Variants in PPP2R3A observed in about 807,000 individuals in gnomAD.
PPP2R3A encodes protein phosphatase 2 regulatory subunit B''alpha.
In PPP2R3A, 80 loss-of-function variants were observed where a neutral mutation model predicts 106.9. The ratio of observed to expected loss-of-function variants is 0.75; its 90% confidence interval spans 0.62 to 0.90. The LOEUF is 0.90. Ranked by LOEUF, PPP2R3A falls within the 40% of genes least tolerant of loss-of-function variation. PPP2R3A has a pLI of 0.00. For missense variants in PPP2R3A, 1,386 were observed against 1,350.4 expected (o/e 1.03, Z -0.41); for synonymous variants, 483 against 468.3 (o/e 1.03, Z -0.41).
chr3:135,989,537 C>G (rs1933068064), intron 1 of PPP2R3A, among the ~76,000 whole-genome samples: 1 of 144,136 alleles, frequency 6.9e-6, no homozygotes, highest in Non-Finnish European at 1.5e-5. Flanking sequence ...ATTCTTCATC[C>G]ACAAAGAATT....
chr3:136,101,439 C>G (rs1385346485), intron 10 of PPP2R3A, among the ~76,000 whole-genome samples: 1 of 152,010 alleles, frequency 6.6e-6, no homozygotes, highest in African/African-American at 2.4e-5. Flanking sequence ...TGGTTTTTAT[C>G]TTGAGGCGGG....
intron 1 of PPP2R3A, among the ~76,000 whole-genome samples, chr3:135,989,071 T>C (rs1933051603): frequency 6.6e-6 from 1 of 152,200 alleles, no homozygotes; most frequent in Non-Finnish European, 1.5e-5. Flanking sequence ...AGAACACTTT[T>C]TAGCTGTGGA....
At chr3:136,087,303 A>AC (rs1936976622) in intron 8 of PPP2R3A, among the ~76,000 whole-genome samples, 1 of 58,776 alleles carries the variant, frequency 1.7e-5, no homozygotes, top group Non-Finnish European at 3.6e-5. Context: ...CTCTCTCACC[A>AC]ACATGCTAAC....
At chr3:136,117,527 T>C (rs1182518744) in intron 13 of PPP2R3A, among the ~76,000 whole-genome samples, 1 of 151,780 alleles carries the variant, frequency 6.6e-6, no homozygotes, top group African/African-American at 2.4e-5. Flanking sequence ...ATAGATGCAA[T>C]AAAAAATGAT....
intron 13 of PPP2R3A, among the ~76,000 whole-genome samples, chr3:136,130,042 G>T (rs560404417): frequency 6.6e-6 from 1 of 152,152 alleles, no homozygotes; most frequent in South Asian, 2.1e-4. Context: ...CTTTATGACA[G>T]ACCCACAACC....
chr3:136,083,370 G>A (rs1936839010), intron 8 of PPP2R3A, among the ~76,000 whole-genome samples: 2 of 152,206 alleles, frequency 1.3e-5, no homozygotes, highest in Middle Eastern at 6.8e-3. Context: ...GAGAGCTGAT[G>A]GTTTTATAAA....
At chr3:136,024,920 C>T (rs938985307) in intron 2 of PPP2R3A, among the ~76,000 whole-genome samples, 1 of 152,146 alleles carries the variant, frequency 6.6e-6, no homozygotes, top group African/African-American at 2.4e-5. Context: ...GTAATATTTA[C>T]AGATTTAGCA....
intron 13 of PPP2R3A, among the ~76,000 whole-genome samples, chr3:136,140,994 A>ATTGT (rs1391794286): frequency 1.3e-5 from 2 of 152,190 alleles, no homozygotes; most frequent in Non-Finnish European, 2.9e-5. Flanking sequence ...AACTCTACAC[A>ATTGT]TTGTTTCACA....
chr3:136,068,353 G>GT (rs1473394145), intron 5 of PPP2R3A, among the ~76,000 whole-genome samples: 1 of 151,220 alleles, frequency 6.6e-6, no homozygotes, highest in East Asian at 1.9e-4. Flanking sequence ...AGTCTGCGCT[G>GT]TTAAAAAAAA....
intron 2 of PPP2R3A, among the ~76,000 whole-genome samples, chr3:136,008,765 C>T (rs1435569712): frequency 2.6e-5 from 4 of 152,148 alleles, no homozygotes; most frequent in African/African-American, 9.7e-5. Context: ...AGTCTGCCCT[C>T]TCCCAGCCTC....
intron 13 of PPP2R3A, among the ~76,000 whole-genome samples, chr3:136,144,407 T>TTA (rs1489307206): frequency 6.6e-6 from 1 of 151,932 alleles, no homozygotes; most frequent in Non-Finnish European, 1.5e-5. Flanking sequence ...AAGCCTGTAA[T>TTA]CCCAGCACTT....
At chr3:136,128,799 A>T (rs547894371) in intron 13 of PPP2R3A, among the ~76,000 whole-genome samples, 1 of 152,170 alleles carries the variant, frequency 6.6e-6, no homozygotes, top group South Asian at 2.1e-4. Flanking sequence ...GTAAAAGAAC[A>T]GAAATTATAA....
At chr3:136,106,146 G>A (rs1937511948) in intron 12 of PPP2R3A, 70 bp from the exon 13 acceptor site, 2 of 1,283,778 alleles carry the variant, frequency 1.6e-6, no homozygotes, top group East Asian at 2.3e-5. Flanking sequence ...ATACATTTGT[G>A]TGATGATCTA....
chr3:135,993,698 A>C (rs1431098269), intron 1 of PPP2R3A, among the ~76,000 whole-genome samples: 1 of 152,248 alleles, frequency 6.6e-6, no homozygotes, highest in African/African-American at 2.4e-5. Context: ...ATAGCATCAG[A>C]ACATTTGAAT....
chr3:135,993,993 C>A (rs1933282411), intron 1 of PPP2R3A, among the ~76,000 whole-genome samples: 1 of 152,064 alleles, frequency 6.6e-6, no homozygotes, highest in Admixed American at 6.6e-5. Context: ...AATGTTCTGT[C>A]TTTTTTAAGG....
At chr3:136,048,266 T>A (rs1935544510) in intron 4 of PPP2R3A, among the ~76,000 whole-genome samples, 1 of 152,124 alleles carries the variant, frequency 6.6e-6, no homozygotes, top group African/African-American at 2.4e-5. Context: ...TACAAATGCC[T>A]GGTGTGAGAA....
intron 5 of PPP2R3A, among the ~76,000 whole-genome samples, chr3:136,054,506 C>T (rs963392300): frequency 6.6e-6 from 1 of 152,124 alleles, no homozygotes; most frequent in Non-Finnish European, 1.5e-5. Context: ...ATCCGCCCAC[C>T]TCGGCCTCCC....
chr3:136,094,417 C>T (rs1191632745), intron 10 of PPP2R3A, among the ~76,000 whole-genome samples: 2 of 151,976 alleles, frequency 1.3e-5, no homozygotes, highest in African/African-American at 4.8e-5. Context: ...ACTTAGAATA[C>T]TAGAAAGTAT....
At chr3:136,101,914 AT>A in intron 10 of PPP2R3A, 92 bp from the exon 11 acceptor site, 1 of 1,284,418 alleles carries the variant, frequency 7.8e-7, no homozygotes, top group East Asian at 2.5e-5. Context: ...AGTGTATGTA[AT>A]ATGTAACTTT....
Sources: gnomAD v4.1 joint callset for allele counts (sites outside exome capture counted in the v4.1 genomes callset) on GRCh38, gnomAD v4.1.1 for gene constraint, MANE v1.5 for transcripts, NCBI Gene and HGNC (gene_info 2026-07-23, HGNC 2026-07-21) for gene names.